Variants in ASPRV1 observed in about 807,000 individuals in gnomAD.
ASPRV1 encodes the protein retroviral-like aspartic protease 1.
ASPRV1 carries 7 observed loss-of-function variants against 11.0 expected under a neutral mutation model. The observed-to-expected ratio is 0.64, with a 90% confidence interval of 0.36 to 1.20. ASPRV1 has a LOEUF of 1.20. Among genes scored for constraint, ASPRV1 ranks in the 50% most tolerant of loss-of-function variants. The probability of loss-of-function intolerance (pLI) is 0.02; values close to 1 mark genes in which losing one functional copy is unlikely to be tolerated. For missense variants in ASPRV1, 299 were observed against 320.0 expected (o/e 0.93, Z 0.50); for synonymous variants, 136 against 138.4 (o/e 0.98, Z 0.12).
chr2:70,025,177 C>T, the ASPRV1 span, among the ~76,000 whole-genome samples: 4 of 152,244 alleles, frequency 2.6e-5, no homozygotes, highest in African/African-American at 9.6e-5. Context: ...CATTATGACA[C>T]GCATACACGC....
the ASPRV1 span, among the ~76,000 whole-genome samples, chr2:70,066,871 T>C: frequency 6.6e-5 from 10 of 152,074 alleles, no homozygotes; most frequent in African/African-American, 2.4e-4. Flanking sequence ...ATTACAGGCA[T>C]GAGCCACCAC....
the ASPRV1 span, chr2:69,988,651 T>C: frequency 2.5e-6 from 1 of 404,208 alleles, no homozygotes; most frequent in Non-Finnish European, 5.0e-6. Context: ...CACTGAATTG[T>C]ACACTCAAAA....
At chr2:70,073,620 A>T in the ASPRV1 span, among the ~76,000 whole-genome samples, 1 of 152,234 alleles carries the variant, frequency 6.6e-6, no homozygotes. Context: ...GAAAAAGGAA[A>T]GGTGGAGATG....
At chr2:69,951,347 C>T in the ASPRV1 span, among the ~76,000 whole-genome samples, 2 of 150,704 alleles carry the variant, frequency 1.3e-5, no homozygotes, top group Admixed American at 6.6e-5. Flanking sequence ...TCACTTGAAC[C>T]CGGGAGGCGG....
At chr2:70,070,890 A>G in the ASPRV1 span, 1 of 152,076 alleles carries the variant, frequency 6.6e-6, no homozygotes, top group South Asian at 2.1e-4. Context: ...TCCCCTCCCC[A>G]ACAAAAACCT....
At chr2:69,953,478 G>A in the ASPRV1 span, among the ~76,000 whole-genome samples, 1 of 152,204 alleles carries the variant, frequency 6.6e-6, no homozygotes, top group South Asian at 2.1e-4. Context: ...TGGCCGGAAG[G>A]GCTCACATGT....
the ASPRV1 span, among the ~76,000 whole-genome samples, chr2:70,020,184 G>C: frequency 1.3e-5 from 2 of 152,240 alleles, no homozygotes; most frequent in South Asian, 4.1e-4. Flanking sequence ...CAACATGGCA[G>C]TTCCTCAAAT....
chr2:70,039,494 G>A, the ASPRV1 span, among the ~76,000 whole-genome samples: 20 of 152,194 alleles, frequency 1.3e-4, no homozygotes, highest in South Asian at 8.3e-4. Context: ...GATGACTCCA[G>A]CTAGCTGATG....
At chr2:69,946,536 T>A in the ASPRV1 span, among the ~76,000 whole-genome samples, 1 of 152,218 alleles carries the variant, frequency 6.6e-6, no homozygotes, top group Non-Finnish European at 1.5e-5. Context: ...GCAGAAAGCA[T>A]TCAGTACATA....
the ASPRV1 span, chr2:69,935,293 G>A: frequency 9.2e-4 from 1,123 of 1,225,400 alleles, 10 homozygotes; most frequent in African/African-American, 0.015. Flanking sequence ...CATTCTGCCT[G>A]GGGTGCTTCT....
At chr2:69,938,222 T>A in the ASPRV1 span, 10 of 1,614,042 alleles carry the variant, frequency 6.2e-6, no homozygotes, top group Admixed American at 1.7e-4. Flanking sequence ...TGAGGGCTAT[T>A]CCAGCACCAG....
At chr2:69,958,383 A>C (rs1328538578), downstream of ASPRV1, among the ~76,000 whole-genome samples, 1 of 152,144 alleles carries the variant, frequency 6.6e-6, no homozygotes, top group Non-Finnish European at 1.5e-5. Flanking sequence ...CTGGGGGCTC[A>C]GACAGGCTCT....
chr2:70,082,424 A>C, the ASPRV1 span, among the ~76,000 whole-genome samples: 16 of 152,008 alleles, frequency 1.1e-4, no homozygotes, highest in African/African-American at 3.9e-4. Flanking sequence ...AAAACAAAAA[A>C]ATTAGGCCGG....
the ASPRV1 span, among the ~76,000 whole-genome samples, chr2:69,978,513 G>A: frequency 6.6e-6 from 1 of 152,192 alleles, no homozygotes; most frequent in Non-Finnish European, 1.5e-5. Flanking sequence ...CGGATTAAAG[G>A]AGATAACGCA....
At chr2:70,022,370 C>T in the ASPRV1 span, among the ~76,000 whole-genome samples, 2 of 145,134 alleles carry the variant, frequency 1.4e-5, no homozygotes, top group Non-Finnish European at 3.0e-5. Context: ...CTTACACACA[C>T]ACACACACAC....
the ASPRV1 span, among the ~76,000 whole-genome samples, chr2:69,952,546 A>G: frequency 2.0e-5 from 3 of 148,146 alleles, no homozygotes; most frequent in Non-Finnish European, 4.4e-5. Context: ...AGAAAAGGGA[A>G]GGGAAAGGAA....
the ASPRV1 span, among the ~76,000 whole-genome samples, chr2:69,968,793 G>T: frequency 1.3e-5 from 2 of 152,288 alleles, no homozygotes; most frequent in East Asian, 1.9e-4. Flanking sequence ...CTGGTCGCTG[G>T]GGACAAGCAG....
chr2:69,952,359 A>T, the ASPRV1 span, among the ~76,000 whole-genome samples: 4 of 152,202 alleles, frequency 2.6e-5, no homozygotes, highest in South Asian at 6.2e-4. Flanking sequence ...AAAATACAAA[A>T]ATTAGGCATG....
At chr2:69,962,220 ACAC>A (rs1678148582), upstream of ASPRV1, 3 of 168,868 alleles carry the variant, frequency 1.8e-5, no homozygotes, top group Non-Finnish European at 4.3e-5. Flanking sequence ...ACACACACAC[ACAC>A]ACACACACGT....
Sources: allele counts gnomAD v4.1 joint callset (sites outside exome capture counted in the v4.1 genomes callset), GRCh38; gene constraint gnomAD v4.1.1; transcripts MANE v1.5; gene names NCBI Gene and HGNC (gene_info 2026-07-23, HGNC 2026-07-21).